PDE4D: variants seen among roughly 807,000 people sequenced by gnomAD.
PDE4D encodes phosphodiesterase 4D.
In PDE4D, 24 loss-of-function variants were observed where a neutral mutation model predicts 87.4. That is an observed-to-expected ratio of 0.27 (90% CI 0.20 to 0.39). PDE4D has a LOEUF of 0.39. Ranked by LOEUF, PDE4D falls within the 10% of genes least tolerant of loss-of-function variation. The pLI, the probability that PDE4D is intolerant of heterozygous loss-of-function variation, is 1.00. For synonymous variants in PDE4D, 384 were observed against 383.2 expected (o/e 1.00, Z -0.02); for missense variants, 714 against 1,041.0 (o/e 0.69, Z 4.32).
chr5:59,574,844 C>T (rs1412436360), intron 1 of PDE4D, among the ~76,000 whole-genome samples: 1 of 152,056 alleles, frequency 6.6e-6, no homozygotes, highest in Non-Finnish European at 1.5e-5. Flanking sequence ...GTTAATTTTT[C>T]AGGATGTTCT....
chr5:59,485,582 T>C (rs1397046351), intron 1 of PDE4D, among the ~76,000 whole-genome samples: 1 of 151,622 alleles, frequency 6.6e-6, no homozygotes, highest in African/African-American at 2.4e-5. Flanking sequence ...ATTTTTAGGT[T>C]TATTATATAA....
intron 1 of PDE4D, among the ~76,000 whole-genome samples, chr5:59,527,920 A>G (rs921505546): frequency 6.6e-6 from 1 of 152,208 alleles, no homozygotes; most frequent in African/African-American, 2.4e-5. Context: ...TTAGTTTTTT[A>G]TTCCTTAAAA....
At chr5:59,417,238 T>A (rs1213740473) in intron 1 of PDE4D, among the ~76,000 whole-genome samples, 1 of 152,186 alleles carries the variant, frequency 6.6e-6, no homozygotes, top group Non-Finnish European at 1.5e-5. Context: ...TAAAGTACTA[T>A]ATCTATTGAT....
At chr5:59,899,869 G>C (rs1337185827) in intron 3 of PDE4D, among the ~76,000 whole-genome samples, 3 of 152,216 alleles carry the variant, frequency 2.0e-5, no homozygotes, top group African/African-American at 7.2e-5. Context: ...GGAAGTCCAT[G>C]CTGGTCATGG....
intron 6 of PDE4D, among the ~76,000 whole-genome samples, chr5:59,031,383 ATATATATATT>A (rs1330581748): frequency 2.4e-4 from 15 of 62,664 alleles, no homozygotes; most frequent in Non-Finnish European, 3.8e-4. Flanking sequence ...ATATATATAT[ATATATATATT>A]ATATATATAT....
intron 1 of PDE4D, among the ~76,000 whole-genome samples, chr5:60,373,435 G>T (rs772289534): frequency 2.8e-4 from 43 of 152,074 alleles, no homozygotes; most frequent in Non-Finnish European, 3.7e-4. Flanking sequence ...TTTCTATTAT[G>T]TTTAGTTGCT....
chr5:59,173,144 A>G (rs997940238), intron 5 of PDE4D, among the ~76,000 whole-genome samples: 2 of 152,176 alleles, frequency 1.3e-5, no homozygotes, highest in East Asian at 1.9e-4. Context: ...AATTATTTCA[A>G]TTAAAGTTAT....
At chr5:60,004,177 T>G (rs1764266522) in intron 2 of PDE4D, among the ~76,000 whole-genome samples, 1 of 152,166 alleles carries the variant, frequency 6.6e-6, no homozygotes. Flanking sequence ...TACATCAGAC[T>G]TAAAAGCTTT....
chr5:60,237,450 A>G (rs533762716), intron 1 of PDE4D, among the ~76,000 whole-genome samples: 12 of 152,202 alleles, frequency 7.9e-5, no homozygotes, highest in African/African-American at 2.9e-4. Flanking sequence ...TTACAGATTC[A>G]TACAACAGCT....
intron 5 of PDE4D, among the ~76,000 whole-genome samples, chr5:59,176,936 T>C (rs1344858053): frequency 6.6e-6 from 1 of 152,158 alleles, no homozygotes; most frequent in Non-Finnish European, 1.5e-5. Flanking sequence ...AGCAAGCGCA[T>C]CCATTTTGGC....
At chr5:59,408,440 G>C (rs1203469356) in intron 1 of PDE4D, among the ~76,000 whole-genome samples, 1 of 152,222 alleles carries the variant, frequency 6.6e-6, no homozygotes, top group Admixed American at 6.5e-5. Context: ...TACAGGGACA[G>C]AGTCCTCACA....
intron 1 of PDE4D, among the ~76,000 whole-genome samples, chr5:59,614,623 A>C (rs1314188673): frequency 1.3e-5 from 2 of 152,188 alleles, no homozygotes; most frequent in African/African-American, 4.8e-5. Flanking sequence ...TTACCTAATC[A>C]GACAAGATTA....
chr5:59,431,385 G>A (rs1273412988), intron 1 of PDE4D, among the ~76,000 whole-genome samples: 1 of 152,116 alleles, frequency 6.6e-6, no homozygotes, highest in Non-Finnish European at 1.5e-5. Flanking sequence ...GGTAATGAGA[G>A]TAGCAGGTGT....
At chr5:60,326,389 A>G (rs1311739993) in intron 1 of PDE4D, among the ~76,000 whole-genome samples, 5 of 152,142 alleles carry the variant, frequency 3.3e-5, no homozygotes, top group Non-Finnish European at 7.4e-5. Flanking sequence ...TCTCCTTTAA[A>G]GGTAAAAGAT....
At chr5:59,400,008 A>C (rs1166214124) in intron 1 of PDE4D, among the ~76,000 whole-genome samples, 1 of 117,574 alleles carries the variant, frequency 8.5e-6, no homozygotes, top group African/African-American at 3.5e-5. Flanking sequence ...GCCATCAGAG[A>C]AACGCAAATC....
chr5:60,355,249 T>A (rs1338532580), intron 1 of PDE4D, among the ~76,000 whole-genome samples: 2 of 152,228 alleles, frequency 1.3e-5, no homozygotes, highest in African/African-American at 2.4e-5. Context: ...GTCACCTGAC[T>A]ATTATACTTT....
chr5:59,960,037 G>T (rs1206071671), intron 3 of PDE4D, among the ~76,000 whole-genome samples: 1 of 151,958 alleles, frequency 6.6e-6, no homozygotes, highest in Non-Finnish European at 1.5e-5. Context: ...TGTGGGAAAA[G>T]GTCATGAACA....
chr5:59,587,573 G>A (rs1004553594), intron 1 of PDE4D: 2 of 985,300 alleles, frequency 2.0e-6, no homozygotes, highest in Admixed American at 6.1e-5. Context: ...TGCCGCCCCA[G>A]CTCTGATCAG....
intron 1 of PDE4D, among the ~76,000 whole-genome samples, chr5:60,400,311 A>G (rs913727816): frequency 6.6e-6 from 1 of 151,878 alleles, no homozygotes; most frequent in African/African-American, 2.4e-5. Flanking sequence ...TCATGAGGTC[A>G]GGAGATCGAG....
Sources: allele counts gnomAD v4.1 joint callset (sites outside exome capture counted in the v4.1 genomes callset), GRCh38; gene constraint gnomAD v4.1.1; transcripts MANE v1.5; gene names NCBI Gene and HGNC (gene_info 2026-07-23, HGNC 2026-07-21).